The following ZNF382 variants were observed in gnomAD, a reference collection of about 807,000 sequenced individuals.
The protein encoded by ZNF382 is zinc finger protein 382, also known as KRAB/zinc finger suppressor protein 1.
In ZNF382, 20 loss-of-function variants were observed where a neutral mutation model predicts 38.8. The ratio of observed to expected loss-of-function variants is 0.51; its 90% CI spans 0.36 to 0.75. ZNF382 has a LOEUF of 0.75. Ranked by LOEUF, ZNF382 falls within the 30% of genes least tolerant of loss-of-function variation. The probability of loss-of-function intolerance (pLI) is 0.00; values close to 1 mark genes in which losing one functional copy is unlikely to be tolerated. For synonymous variants in ZNF382, 202 were observed against 223.1 expected, an observed-to-expected ratio of 0.91 and a Z score of 0.84; for missense variants, 546 against 654.1, an observed-to-expected ratio of 0.83 and a Z score of 1.80.
In ZNF382 at chr19:36,633,548, A is replaced by T. The variant is rs939422286; in HGVS notation, c.*5998A>T. The T allele has an allele frequency of 6.6e-6, 1 of 152,176 alleles. No homozygotes were observed. Among genetic ancestry groups the T allele is most frequent in the South Asian group, 2.1e-4 (1 of 4,826 alleles). The allele number at this position is 152,176 out of a possible 1,614,324, so 9.4% of individuals were successfully genotyped here. A position where few individuals can be genotyped will look rare whatever the true frequency, so the allele number is the denominator to read the frequency against. On this transcript the variant is annotated 3_prime_UTR_variant, in exon 5 of 5. Coordinates refer to ENST00000292928, the MANE Select transcript of ZNF382 (RefSeq NM_032825.5). ...CAATATGCCAGTCTCAAAAAGTTAC[A>T]CATCCAATATGACCCAGCAATCCCA...
intron 2 of ZNF382, chr19:36,608,779 G>A (rs1260838846): frequency 6.6e-6 from 1 of 152,240 alleles, no homozygotes; most frequent in Non-Finnish European, 1.5e-5. Flanking sequence ...TACTTCCTTT[G>A]GTCCAGCTTA....
chr19:36,622,461 A>G (rs2037177836), intron 4 of ZNF382, among the ~76,000 whole-genome samples: 1 of 152,220 alleles, frequency 6.6e-6, no homozygotes, highest in Non-Finnish European at 1.5e-5. Flanking sequence ...AGTGCCAAAC[A>G]TGCAGCTTCT....
chr19:36,614,920 T>TTTCCTTTCCTTTCCTTTCC (rs1263587357), intron 4 of ZNF382, among the ~76,000 whole-genome samples: 1 of 57,514 alleles, frequency 1.7e-5, no homozygotes, highest in African/African-American at 7.7e-5. Flanking sequence ...TTTCCTTCCC[T>TTTCCTTTCCTTTCCTTTCC]TTCCCTTTCC....
intron 4 of ZNF382, among the ~76,000 whole-genome samples, chr19:36,614,879 T>C (rs866138298): frequency 2.8e-4 from 27 of 96,934 alleles, no homozygotes; most frequent in Middle Eastern, 5.2e-3. Flanking sequence ...TTTCTTTCTT[T>C]CTTCCTTTCC....
rs1320943594 is a variant in ZNF382 at position 36,632,423 on chromosome 19, C to G, written c.*4873C>G. 6.6e-6 allele frequency: 1 copy of G among 152,406 alleles called. No homozygotes were observed. Among genetic ancestry groups the G allele is most frequent in the East Asian group, 1.9e-4 (1 of 5,184 alleles). The allele number at this position is 152,406 out of a possible 1,614,324, so 9.4% of individuals were successfully genotyped here. ...CAGGCTGGTCTCGAAGTCCTGACCTCAGGCAATCCTCCGCCCACCTCGGTT... is the reference window on the plus strand; with the variant it reads ...CAGGCTGGTCTCGAAGTCCTGACCTGAGGCAATCCTCCGCCCACCTCGGTT... On this transcript the variant is annotated 3_prime_UTR_variant, in exon 5 of 5. Coordinates refer to ENST00000292928, the MANE Select transcript of ZNF382 (RefSeq NM_032825.5).
At position 36,626,560 on chromosome 19, in the gene ZNF382, C is replaced by G. The variant is rs1278937913; in HGVS notation, c.663C>G (p.Phe221Leu). The G allele has an allele frequency of 1.1e-5, 17 of 1,613,366 alleles. No individual in the cohort carries two copies. The highest frequency in any genetic ancestry group is 1.4e-5 in the Non-Finnish European group (17 of 1,179,882). Residue 221 changes from phenylalanine to leucine, a missense_variant, in exon 5 of 5, where the codon TTC becomes TTG. Physicochemically the swap from Phe to Leu is conservative, Grantham distance 22 (BLOSUM62 0). Transcript: ENST00000292928. ...PFDHNECEKS[F>L]LMKGMLFTHT... ...ACCATAATGAATGTGAAAAATCCTTCCTGATGAAAGGAATGCTATTTACAC... is the reference window on the plus strand; with the variant it reads ...ACCATAATGAATGTGAAAAATCCTTGCTGATGAAAGGAATGCTATTTACAC...
At chr19:36,622,022 T>G (rs914751219) in intron 4 of ZNF382, among the ~76,000 whole-genome samples, 2 of 110,280 alleles carry the variant, frequency 1.8e-5, no homozygotes, top group African/African-American at 3.5e-5. Context: ...TTAGGTTCGA[T>G]AATTTTTTTT....
intron 4 of ZNF382, among the ~76,000 whole-genome samples, chr19:36,612,525 A>T (rs2037086121): frequency 1.3e-5 from 2 of 152,202 alleles, no homozygotes; most frequent in South Asian, 4.1e-4. Flanking sequence ...TTTAGAAACT[A>T]CCATTTTGGT....
In ZNF382 at chr19:36,625,089, A is replaced by AATATATATATATATATAT. The variant is rs371760229; in HGVS notation, c.233-1019_233-1002dup. Among the ~76,000 whole-genome samples the AATATATATATATATATAT allele has an allele frequency of 3.0e-3, 129 of 42,942 alleles. 5 individuals are homozygous for AATATATATATATATATAT. Among genetic ancestry groups the AATATATATATATATATAT allele is most frequent in the East Asian group, 6.3e-3 (6 of 948 alleles). The allele number at this position is 42,942 out of a possible 152,430, so 28.2% of individuals were successfully genotyped here. A position where few individuals can be genotyped will look rare whatever the true frequency, so the allele number is the denominator to read the frequency against. On this transcript the variant is annotated intron_variant, in intron 4 of 4. Transcript: ENST00000292928. Reference sequence around the variant, plus strand: ...TCTCAAAAAAATAAAAATGAATTTAAATATATATATATATATATATATATA... The same window carrying AATATATATATATATATAT: ...TCTCAAAAAAATAAAAATGAATTTAAATATATATATATATATATATATATATATATATATATATATATA...
chr19:36,617,752 G>A (rs778266410), intron 4 of ZNF382, among the ~76,000 whole-genome samples: 1 of 152,086 alleles, frequency 6.6e-6, no homozygotes, highest in Non-Finnish European at 1.5e-5. Flanking sequence ...TGACCTACCA[G>A]GATTCCTACT....
Position 36,609,927 on chromosome 19 carries a change from G to T in ZNF382, c.13G>T (p.Gly5Ter). 6.2e-7 allele frequency: 1 copy of T among 1,612,998 alleles called. No individual in the cohort carries two copies. Among genetic ancestry groups the T allele is most frequent in the Non-Finnish European group, 8.5e-7 (1 of 1,179,748 alleles). Residue 5 changes from glycine (G) to a stop codon, truncating the protein, a stop_gained, in exon 3 of 5, where the codon GGA becomes TGA. Coordinates refer to ENST00000292928, the MANE Select transcript of ZNF382 (RefSeq NM_032825.5). LOFTEE classifies it high-confidence loss of function. MPLQ[G>*]SVSFKDVTVD... is the part of the protein sequence containing the mutation. ...GATGAACTAGAGTATGCCCTTACAG[G>T]GATCAGTGTCATTCAAGGATGTGAC... is the stretch of plus-strand genomic sequence containing the variant.
rs576618845 is a variant in ZNF382, at chr19:36,626,135, G to T, written c.238G>T (p.Asp80Tyr). ...IFPSYSYLEE[D>Y]GKTEDVLVKF... ...TTAATGGTATTCTTTTCTAGAAGAA[G>T]ATGGGAAAACTGAAGATGTCTTAGT... Residue 80 changes from aspartate to tyrosine, a missense_variant, in exon 5 of 5, where the codon GAT (aspartate) becomes TAT (tyrosine). Transcript: ENST00000292928. The T allele has an allele frequency of 1.6e-5, 25 of 1,536,816 alleles. No homozygotes were observed. The African/African-American group carries it at 2.9e-4, about 18-fold the overall frequency.
At chr19:36,615,110 G>A (rs1162515758) in intron 4 of ZNF382, among the ~76,000 whole-genome samples, 1 of 151,198 alleles carries the variant, frequency 6.6e-6, no homozygotes, top group Non-Finnish European at 1.5e-5. Flanking sequence ...AGACTCCTGA[G>A]GAGTAGCTGG....
intron 4 of ZNF382, among the ~76,000 whole-genome samples, chr19:36,621,197 C>G (rs530780467): frequency 6.6e-6 from 1 of 152,184 alleles, no homozygotes; most frequent in Non-Finnish European, 1.5e-5. Context: ...TATTATCTCA[C>G]TCTGTAAAAT....
intron 2 of ZNF382, 142 bp downstream of exon 2, chr19:36,607,764 C>A: frequency 1.2e-6 from 1 of 869,234 alleles, no homozygotes; most frequent in Non-Finnish European, 1.7e-6. Flanking sequence ...TAGGCTGAGG[C>A]AGGCAAGTGG....
intron 4 of ZNF382, among the ~76,000 whole-genome samples, chr19:36,613,593 A>G (rs2037096802): frequency 6.6e-6 from 1 of 151,548 alleles, no homozygotes; most frequent in South Asian, 2.1e-4. Flanking sequence ...GGCGTGCACC[A>G]CCACGCCCCG....
At position 36,631,912 on chromosome 19, in the gene ZNF382, C is replaced by T. The variant is rs1453329800; in HGVS notation, c.*4362C>T. Reference sequence around the variant, plus strand: ...TATTTTGTAGACCTAACTGCAAGGTCATAAGGCATATGCAAAATGAGTTCA... The same window carrying T: ...TATTTTGTAGACCTAACTGCAAGGTTATAAGGCATATGCAAAATGAGTTCA... On this transcript the variant is annotated 3_prime_UTR_variant, in exon 5 of 5. Coordinates refer to ENST00000292928, the MANE Select transcript of ZNF382 (RefSeq NM_032825.5). 6.6e-6 allele frequency: 1 copy of T among 152,162 alleles called. No homozygotes were observed. Among genetic ancestry groups the T allele is most frequent in the Non-Finnish European group, 1.5e-5 (1 of 68,040 alleles). 9.4% of individuals were successfully genotyped at this position (152,162 alleles called of 1,614,324 possible).
At chr19:36,623,760 A>G (rs953155722) in intron 4 of ZNF382, among the ~76,000 whole-genome samples, 5 of 147,542 alleles carry the variant, frequency 3.4e-5, no homozygotes, top group African/African-American at 7.6e-5. Flanking sequence ...TGCCACTGCA[A>G]TCCAGCCTGG....
At chr19:36,616,337 C>T (rs1356210813) in intron 4 of ZNF382, among the ~76,000 whole-genome samples, 5 of 152,210 alleles carry the variant, frequency 3.3e-5, no homozygotes, top group Non-Finnish European at 5.9e-5. Flanking sequence ...TACTGCACTC[C>T]AGCCTGGGCA....
Sources: gnomAD v4.1 joint callset for allele counts (sites outside exome capture counted in the v4.1 genomes callset) on GRCh38, gnomAD v4.1.1 for gene constraint, MANE v1.5 for transcripts, NCBI Gene and HGNC (gene_info 2026-07-23, HGNC 2026-07-21) for gene names.